PARP11: variants seen among roughly 807,000 people sequenced by gnomAD.
The protein encoded by PARP11 is poly(ADP-ribose) polymerase family member 11.
Under a neutral mutation model 42.9 loss-of-function variants are expected in PARP11, and 31 were observed. The ratio of observed to expected loss-of-function variants is 0.72; its 90% CI spans 0.54 to 0.98. The LOEUF is 0.98. Ranked by LOEUF, PARP11 falls within the 50% of genes least tolerant of loss-of-function variation. The probability of loss-of-function intolerance (pLI) is 0.00; values close to 1 mark genes in which losing one functional copy is unlikely to be tolerated. For missense variants in PARP11, 365 were observed against 413.1 expected, an observed-to-expected ratio of 0.88 and a Z score of 1.01; for synonymous variants, 137 against 127.3, an observed-to-expected ratio of 1.08 and a Z score of -0.51.
chr12:3,863,639 G>A lies in PARP11; in HGVS notation c.18+9573C>T, dbSNP rs376364846. On this transcript the variant is annotated intron_variant, in intron 1 of 7. Coordinates refer to ENST00000228820, the MANE Select transcript of PARP11 (RefSeq NM_020367.6). ...AGCAAAGGGGAAACGCACATGGGGT[G>A]AAGTCTAGAAGAAACCACATACAAG... is the stretch of plus-strand genomic sequence containing the variant. 8.0e-4 allele frequency among the ~76,000 whole-genome samples: 122 copies of A among 152,302 alleles called. 1 individual carries two copies. In the South Asian group the frequency reaches 0.024, roughly 30 times the overall value.
intron 4 of PARP11, among the ~76,000 whole-genome samples, 182 bp downstream of exon 4, chr12:3,825,976 G>T (rs531731435): frequency 6.6e-6 from 1 of 151,584 alleles, no homozygotes; most frequent in East Asian, 1.9e-4. Context: ...TGATCAGGCC[G>T]CCTCGGCCTC....
At chr12:3,814,365 T>C (rs534896868) in intron 6 of PARP11, among the ~76,000 whole-genome samples, 177 bp from the exon 7 acceptor site, 2 of 152,306 alleles carry the variant, frequency 1.3e-5, no homozygotes, top group Admixed American at 6.5e-5. Context: ...CTTGGACACA[T>C]AAATCATCTC....
chr12:3,839,595 G>A, intron 1 of PARP11: 1 of 1,207,360 alleles, frequency 8.3e-7, no homozygotes, highest in Non-Finnish European at 1.2e-6. Flanking sequence ...AAAATCCACA[G>A]GAATGGGTAG....
intron 4 of PARP11, among the ~76,000 whole-genome samples, chr12:3,822,580 C>G (rs932207898): frequency 7.3e-6 from 1 of 137,912 alleles, no homozygotes; most frequent in African/African-American, 2.8e-5. Context: ...GCCTGGGCGA[C>G]AGGGCGAGAC....
rs764170775 is a variant in PARP11 at position 3,811,014 on chromosome 12, C to A, written c.*1109G>T. The A allele has an allele frequency of 6.6e-6, 1 of 152,170 alleles. No homozygotes were observed. Among genetic ancestry groups the A allele is most frequent in the Non-Finnish European group, 1.5e-5 (1 of 68,028 alleles). 9.4% of individuals were successfully genotyped at this position (152,170 alleles called of 1,614,324 possible). ...GGGAAGCTGTTCCAACACTTCTCATCTTCCTTACAATGAAACAGCAAAACA... is the reference window on the plus strand; with the variant it reads ...GGGAAGCTGTTCCAACACTTCTCATATTCCTTACAATGAAACAGCAAAACA... On this transcript the variant is annotated 3_prime_UTR_variant, in exon 8 of 8. Transcript: ENST00000228820.
intron 1 of PARP11, among the ~76,000 whole-genome samples, chr12:3,857,428 T>G (rs1179645353): frequency 6.6e-6 from 1 of 152,136 alleles, no homozygotes; most frequent in African/African-American, 2.4e-5. Flanking sequence ...ATAATGCCAA[T>G]GAAACATCAC....
At chr12:3,838,919 G>A (rs1477608343) in intron 1 of PARP11, among the ~76,000 whole-genome samples, 2 of 152,122 alleles carry the variant, frequency 1.3e-5, no homozygotes, top group Admixed American at 1.3e-4. Flanking sequence ...GGCTTTTCTC[G>A]CTTCACACCG....
chr12:3,862,917 TG>T (rs1415928241), intron 1 of PARP11, among the ~76,000 whole-genome samples: 1 of 152,228 alleles, frequency 6.6e-6, no homozygotes, highest in Non-Finnish European at 1.5e-5. Flanking sequence ...CTAGTTCCTT[TG>T]ATTTCTTTTC....
At chr12:3,823,239 G>C (rs1429211282) in intron 4 of PARP11, among the ~76,000 whole-genome samples, 3 of 152,316 alleles carry the variant, frequency 2.0e-5, no homozygotes, top group African/African-American at 7.2e-5. Context: ...ACAGTGAGAA[G>C]TTTTCCTCCC....
intron 1 of PARP11, among the ~76,000 whole-genome samples, chr12:3,847,110 AAAG>A (rs1161205958): frequency 6.6e-6 from 1 of 152,170 alleles, no homozygotes; most frequent in Non-Finnish European, 1.5e-5. Context: ...AAGAGAAAGA[AAAG>A]AAGAGGAAAA....
chr12:3,851,867 C>A (rs1254286707), intron 1 of PARP11, among the ~76,000 whole-genome samples: 1 of 152,234 alleles, frequency 6.6e-6, no homozygotes, highest in Non-Finnish European at 1.5e-5. Flanking sequence ...TAGGGGCCGA[C>A]TGACACCTCA....
At position 3,813,071 on chromosome 12, in the gene PARP11, C is replaced by T. The variant is rs532688976; in HGVS notation, c.701-632G>A. Among the ~76,000 whole-genome samples the T allele has an allele frequency of 3.3e-5, 5 of 152,310 alleles. No homozygotes were observed. In the East Asian group the frequency reaches 9.7e-4, roughly 29 times the overall value. ...CCACCTGCCTCGACCTCCCAAACTG[C>T]TGGGATTACAGGCGTGAGCCACCAT... On this transcript the variant is annotated intron_variant, in intron 7 of 7. Transcript: ENST00000228820.
chr12:3,827,560 G>A (rs1353564959), intron 3 of PARP11, among the ~76,000 whole-genome samples: 1 of 151,712 alleles, frequency 6.6e-6, no homozygotes, highest in African/African-American at 2.4e-5. Context: ...GCAACAGAGG[G>A]ACAAATGTCA....
intron 4 of PARP11, among the ~76,000 whole-genome samples, 162 bp from the exon 5 acceptor site, chr12:3,822,319 C>A (rs944866023): frequency 2.6e-5 from 4 of 152,066 alleles, no homozygotes; most frequent in African/African-American, 9.7e-5. Flanking sequence ...TGACTGTCGG[C>A]CGGGCGCGGT....
intron 1 of PARP11, among the ~76,000 whole-genome samples, chr12:3,850,667 G>C (rs1319858530): frequency 6.6e-6 from 1 of 152,118 alleles, no homozygotes; most frequent in Non-Finnish European, 1.5e-5. Flanking sequence ...TCTCTGCTCT[G>C]CAGTATAAAG....
At chr12:3,844,927 G>A (rs1204972942) in intron 1 of PARP11, among the ~76,000 whole-genome samples, 1 of 152,178 alleles carries the variant, frequency 6.6e-6, no homozygotes, top group Non-Finnish European at 1.5e-5. Flanking sequence ...GCAAGCTTTT[G>A]TCCTTCATTT....
intron 3 of PARP11, among the ~76,000 whole-genome samples, chr12:3,827,415 C>T (rs931544078): frequency 3.3e-5 from 5 of 152,110 alleles, no homozygotes; most frequent in Admixed American, 6.5e-5. Flanking sequence ...TGCTGAATTA[C>T]CTATCAAATG....
At chr12:3,862,659 A>C (rs550148703) in intron 1 of PARP11, among the ~76,000 whole-genome samples, 3 of 151,498 alleles carry the variant, frequency 2.0e-5, no homozygotes, top group African/African-American at 7.2e-5. Context: ...ATTTTTCTGC[A>C]TATGGGTATC....
Position 3,810,788 on chromosome 12 carries a change from G to A in PARP11, c.*1335C>T, listed in dbSNP as rs58675636. 18,904 of 150,876 alleles carry A rather than the reference G, an allele frequency of 0.13. 1,256 individuals are homozygous for A. The highest frequency in any genetic ancestry group is 0.16 in the African/African-American group (6,630 of 40,898). 9.3% of individuals were successfully genotyped at this position (150,876 alleles called of 1,614,324 possible). A position where few individuals can be genotyped will look rare whatever the true frequency, so the allele number is the denominator to read the frequency against. ...AGAGGAAGAGGAGAGGAAGAGAAGA[G>A]GAAGAGGAAGACAGAAGAGAAGAGA... On this transcript the variant is annotated 3_prime_UTR_variant, in exon 8 of 8. Coordinates refer to ENST00000228820, the MANE Select transcript of PARP11 (RefSeq NM_020367.6).
Sources: gnomAD v4.1 joint callset for allele counts (sites outside exome capture counted in the v4.1 genomes callset) on GRCh38, gnomAD v4.1.1 for gene constraint, MANE v1.5 for transcripts, NCBI Gene and HGNC (gene_info 2026-07-23, HGNC 2026-07-21) for gene names.